The following ABCA2 variants were observed in gnomAD, a reference collection of about 807,000 sequenced individuals.
ABCA2 encodes the protein ATP binding cassette subfamily A member 2, also known as ATP-binding cassette sub-family A member 2.
ABCA2 carries 84 observed loss-of-function variants against 262.8 expected under a neutral mutation model. The observed-to-expected ratio is 0.32, with a 90% confidence interval of 0.27 to 0.38. ABCA2 has a LOEUF of 0.38. Ranked by LOEUF, ABCA2 falls within the 10% of genes least tolerant of loss-of-function variation. The probability of loss-of-function intolerance (pLI) is 1.00; values close to 1 mark genes in which losing one functional copy is unlikely to be tolerated. For synonymous variants in ABCA2, 1,696 were observed against 1,502.9 expected (o/e 1.13, Z -2.97); for missense variants, 2,662 against 3,405.9 (o/e 0.78, Z 5.44).
At chr9:137,025,888 C>T (rs1329387319) in intron 1 of ABCA2, among the ~76,000 whole-genome samples, 2 of 152,204 alleles carry the variant, frequency 1.3e-5, no homozygotes, top group Non-Finnish European at 2.9e-5. Flanking sequence ...TGGTTACAGG[C>T]GGCAGCACAG....
chr9:137,012,218 G>GCCCCCCC, intron 33 of ABCA2, 47 bp downstream of exon 33: 1 of 1,590,876 alleles, frequency 6.3e-7, no homozygotes, highest in Non-Finnish European at 8.6e-7. Context: ...CCCCGCCCCG[G>GCCCCCCC]CCCCAGCTCC....
Position 137,017,206 on chromosome 9 carries a change from T to C in ABCA2, c.2543A>G (p.Lys848Arg). 6.2e-7 allele frequency: 1 copy of C among 1,612,480 alleles called. No homozygotes were observed. Among genetic ancestry groups the C allele is most frequent in the Non-Finnish European group, 8.5e-7 (1 of 1,179,852 alleles). ...GCCCGCGACCCTCACCGCGATGCAC[T>C]TCTCGAAGGCCGTGATCTTATCATG... Reference protein sequence around the residue: ...VAHDKITAFEKCIASLMSTTA... With the variant: ...VAHDKITAFERCIASLMSTTA... Residue 848 changes from lysine (K) to arginine (R), a missense_variant, in exon 18 of 49, where the codon AAG (lysine) becomes AGG (arginine). By Grantham distance (26) the Lys-to-Arg change is conservative (BLOSUM62 2). This residue lies in a region of ABCA2 where 188 missense variants were observed against 343.4 expected (regional missense o/e 0.55). Transcript: ENST00000341511.
chr9:137,015,379 G>A, intron 24 of ABCA2, 35 bp downstream of exon 24: 1 of 1,527,998 alleles, frequency 6.5e-7, no homozygotes, highest in Non-Finnish European at 8.8e-7. Flanking sequence ...GGGAGAAGGT[G>A]GCCCGAAGCC....
chr9:137,014,448 C>G, intron 26 of ABCA2, 44 bp from the exon 27 acceptor site: 1 of 1,537,838 alleles, frequency 6.5e-7, no homozygotes, highest in Non-Finnish European at 8.8e-7. Context: ...GGCTACTGGC[C>G]CCTAGGCCTG....
At position 137,013,118 on chromosome 9, in the gene ABCA2, A is replaced by C. The variant is rs866139014; in HGVS notation, c.4751T>G (p.Leu1584Arg). 1 of 1,594,592 alleles carries C rather than the reference A, an allele frequency of 6.3e-7. No homozygotes were observed. ...SMCLESFTQG[L>R]PLSNFVPPPP... is the part of the protein sequence containing the mutation. ...GGGTGGCACGAAATTGGACAGTGGC[A>C]GCCCCTGTGTGAAGGACTCCAGACA... The change falls in exon 30 of 49, where the codon CTG becomes CGG. Residue 1584 changes from leucine to arginine, a missense_variant. Leu to Arg is a moderately radical substitution (Grantham distance 102). Around this residue, in one of 12 missense-constraint regions of ABCA2, gnomAD observed 192 missense variants for 207.2 expected, o/e 0.93. Transcript: ENST00000341511.
chr9:137,028,377 C>G (rs1388989772), upstream of ABCA2: 1 of 645,236 alleles, frequency 1.5e-6, no homozygotes, highest in Non-Finnish European at 1.9e-6. The surrounding 1 kb of genome is among the most constrained non-coding windows in gnomAD (Gnocchi z 6.9). Flanking sequence ...AGGAGGCGCC[C>G]GCCGCCCGCG....
chr9:137,022,143 G>A (rs1831485565), intron 6 of ABCA2, 142 bp from the exon 7 acceptor site: 1 of 616,078 alleles, frequency 1.6e-6, no homozygotes. Context: ...CTCAGATGGT[G>A]GGGGCGTGGC....
chr9:137,007,439 A>G lies in ABCA2; in HGVS notation c.*490T>C, dbSNP rs7036668. The stretch of plus-strand genomic sequence containing the variant: ...CTGGCCCAAGCTGATGGCTTCCCGC[A>G]GGACAGCCACCTCCCTGCAGGAGAG... On this transcript the variant is annotated 3_prime_UTR_variant, in exon 49 of 49. Transcript: ENST00000341511. 0.93 allele frequency: 144,819 copies of G among 156,124 alleles called. 67,455 individuals carry two copies. The highest frequency in any genetic ancestry group is 1 in the East Asian group (5,228 of 5,230). The allele number at this position is 156,124 out of a possible 1,614,324, so 9.7% of individuals were successfully genotyped here. A position where few individuals can be genotyped will look rare whatever the true frequency, so the allele number is the denominator to read the frequency against.
Position 137,017,254 on chromosome 9 carries a change from A to G in ABCA2, c.2495T>C (p.Val832Ala). 1 of 1,612,648 alleles carries G rather than the reference A, an allele frequency of 6.2e-7. No individual in the cohort carries two copies. Among genetic ancestry groups the G allele is most frequent in the Non-Finnish European group, 8.5e-7 (1 of 1,179,908 alleles). ...YFLSYVPYMY[V>A]AIREEVAHDK... Reference sequence around the variant, plus strand: ...ATGCGCCACCTCCTCTCGGATCGCCACGTACATGTAGGGCACGTAGCTCAG... The same window carrying G: ...ATGCGCCACCTCCTCTCGGATCGCCGCGTACATGTAGGGCACGTAGCTCAG... The change falls in exon 18 of 49, where the codon GTG becomes GCG. Residue 832 changes from valine (V) to alanine (A), a missense_variant. Coordinates refer to ENST00000341511, the MANE Select transcript of ABCA2 (RefSeq NM_001606.5).
In ABCA2 at chr9:137,023,037, G is replaced by A. The variant is rs370257651; in HGVS notation, c.179C>T (p.Ala60Val). The A allele has an allele frequency of 1.2e-5, 19 of 1,587,178 alleles. No homozygotes were observed. The highest frequency in any genetic ancestry group is 7.1e-5 in the Admixed American group (4 of 56,132). ...CAGGATGCCGGCAGACGTCAGGGGC[G>A]CCGCTGTGTAGAAGGCTGGCAGACC... is the stretch of plus-strand genomic sequence containing the variant. ...SVKEVSFYTAAPLTSAGILPV... is the reference protein window; with the variant it reads ...SVKEVSFYTAVPLTSAGILPV... Residue 60 changes from alanine to valine, a missense_variant, in exon 4 of 49, where the codon GCG (alanine) becomes GTG (valine). Coordinates refer to ENST00000341511, the MANE Select transcript of ABCA2 (RefSeq NM_001606.5).
At chr9:137,026,849 A>C (rs1257427549) in intron 1 of ABCA2, among the ~76,000 whole-genome samples, 1 of 152,178 alleles carries the variant, frequency 6.6e-6, no homozygotes, top group African/African-American at 2.4e-5. Flanking sequence ...TGCTGTCCCC[A>C]GTGACTCAAT....
intron 45 of ABCA2, 92 bp from the exon 46 acceptor site, chr9:137,009,145 C>T (rs577778601): frequency 7.7e-7 from 1 of 1,297,728 alleles, no homozygotes; most frequent in African/African-American, 1.5e-5. Context: ...CCACAGGCAC[C>T]CCAGGAAGCC....
Position 137,014,302 on chromosome 9 carries a change from G to A in ABCA2, c.4106C>T (p.Ser1369Leu), listed in dbSNP as rs748802261. The change falls in exon 27 of 49, where the codon TCG (serine) becomes TTG (leucine). Residue 1369 changes from serine to leucine, a missense_variant. Transcript: ENST00000341511. ...TGACGCCGACTGCAGCGATGCCTGC[G>A]ACTGGGTCAGCTCCGAGCACCGGGC... ...NLARCSELTQ[S>L]QASLQSASSV... 22 of 1,610,696 alleles carry A rather than the reference G, an allele frequency of 1.4e-5. No individual in the cohort carries two copies. The highest frequency in any genetic ancestry group is 5.0e-5 in the Admixed American group (3 of 59,818).
chr9:137,010,021 T>C lies in ABCA2; in HGVS notation c.6457A>G (p.Thr2153Ala). Reference protein sequence around the residue: ...LTAREHLQLYTRLRGISWKDE... With the variant: ...LTAREHLQLYARLRGISWKDE... Reference sequence around the variant, plus strand: ...TTCCAGGAGATCCCACGCAGCCGCGTGTACAGCTGCAGGTGCTCCCGGGCC... The same window carrying C: ...TTCCAGGAGATCCCACGCAGCCGCGCGTACAGCTGCAGGTGCTCCCGGGCC... Residue 2153 changes from threonine to alanine, a missense_variant, in exon 42 of 49, where the codon ACG becomes GCG. Thr to Ala is a moderately conservative substitution (Grantham distance 58, BLOSUM62 0). Transcript: ENST00000341511. 1.2e-6 allele frequency: 2 copies of C among 1,600,318 alleles called. No individual in the cohort carries two copies. Among genetic ancestry groups the C allele is most frequent in the Non-Finnish European group, 1.7e-6 (2 of 1,175,244 alleles).
Position 137,019,361 on chromosome 9 carries a change from G to C in ABCA2, c.1426-55C>G. On this transcript the variant is annotated intron_variant, in intron 10 of 48. Coordinates refer to ENST00000341511, the MANE Select transcript of ABCA2 (RefSeq NM_001606.5). The surrounding 1 kb of genome is among the most constrained non-coding windows in gnomAD (Gnocchi z 4.4). Reference sequence around the variant, plus strand: ...TTCTGGACGGACCCCCACCGACTTGGGGGCTCTCACCCCACTCACCTCCCC... The same window carrying C: ...TTCTGGACGGACCCCCACCGACTTGCGGGCTCTCACCCCACTCACCTCCCC... The C allele has an allele frequency of 1.3e-6, 2 of 1,594,430 alleles. No individual in the cohort carries two copies. Among genetic ancestry groups the C allele is most frequent in the Non-Finnish European group, 1.7e-6 (2 of 1,167,972 alleles).
At position 137,022,977 on chromosome 9, in the gene ABCA2, C is replaced by A; in HGVS notation, c.239G>T (p.Arg80Leu). The change falls in exon 4 of 49, where the codon CGA becomes CTA. Residue 80 changes from arginine (R) to leucine (L), a missense_variant. Arg to Leu is a moderately radical substitution (Grantham distance 102). Transcript: ENST00000341511. ...GTACTGCAGGAAGCCGAACTCGTCT[C>A]GCTGGCCGTCCGGGCACAGCGATTG... The part of the protein sequence containing the change: ...VMQSLCPDGQ[R>L]DEFGFLQYAN... 6.3e-7 allele frequency: 1 copy of A among 1,590,370 alleles called. No individual in the cohort carries two copies. The highest frequency in any genetic ancestry group is 8.6e-7 in the Non-Finnish European group (1 of 1,169,528).
intron 43 of ABCA2, 23 bp downstream of exon 43, chr9:137,009,745 AC>A (rs1830966076): frequency 3.7e-6 from 6 of 1,604,590 alleles, no homozygotes; most frequent in Admixed American, 3.3e-5. Context: ...CCAGGCAGCC[AC>A]CCCCCACCCA....
chr9:137,012,620 G>A lies in ABCA2; in HGVS notation c.5082-30C>T, dbSNP rs746535366. The A allele has an allele frequency of 7.5e-6, 12 of 1,610,254 alleles. No individual in the cohort carries two copies. In the South Asian group the frequency reaches 1.2e-4, roughly 16 times the overall value. On this transcript the variant is annotated intron_variant, in intron 31 of 48. Coordinates refer to ENST00000341511, the MANE Select transcript of ABCA2 (RefSeq NM_001606.5). ...GCAGGCAGGTGGGAGGGGCGGTGAG[G>A]CTAGGCAGGCAGTGAGGCTAGAGGG...
At position 137,013,095 on chromosome 9, in the gene ABCA2, G is replaced by A; in HGVS notation, c.4774C>T (p.Pro1592Ser). 8 of 1,582,448 alleles carry A rather than the reference G, an allele frequency of 5.1e-6. No homozygotes were observed. The highest frequency in any genetic ancestry group is 6.9e-6 in the Non-Finnish European group (8 of 1,167,208). Residue 1592 changes from proline to serine, a missense_variant, in exon 30 of 49, where the codon CCC becomes TCC. Pro to Ser is a moderately conservative substitution (Grantham distance 74, BLOSUM62 -1). Coordinates refer to ENST00000341511, the MANE Select transcript of ABCA2 (RefSeq NM_001606.5). ...TCAGATGGGGCGGGCGAGGGTGGGGGTGGCACGAAATTGGACAGTGGCAGC... is the reference window on the plus strand; with the variant it reads ...TCAGATGGGGCGGGCGAGGGTGGGGATGGCACGAAATTGGACAGTGGCAGC... ...QGLPLSNFVPPPPSPAPSDSP... is the reference protein window; with the variant it reads ...QGLPLSNFVPSPPSPAPSDSP...
Sources: gnomAD v4.1 joint callset for allele counts (sites outside exome capture counted in the v4.1 genomes callset) on GRCh38, gnomAD v4.1.1 for gene constraint, gnomAD v4.1.1 regional missense constraint, Gnocchi (gnomAD v3.1) non-coding constraint, MANE v1.5 for transcripts, NCBI Gene and HGNC (gene_info 2026-07-23, HGNC 2026-07-21) for gene names.